Variants in SCAPER observed in about 807,000 individuals in gnomAD.
SCAPER encodes the protein S phase cyclin A-associated protein in the endoplasmic reticulum.
Under a neutral mutation model 182.2 loss-of-function variants are expected in SCAPER, and 98 were observed. That is an observed-to-expected ratio of 0.54 (90% CI 0.46 to 0.64). The LOEUF (loss-of-function observed/expected upper bound fraction) is 0.64. SCAPER is among the 30% of genes least tolerant of loss of function. SCAPER has a pLI of 0.00. For synonymous variants in SCAPER, 605 were observed against 564.6 expected (o/e 1.07, Z -1.01); for missense variants, 1,432 against 1,690.0 (o/e 0.85, Z 2.68).
intron 8 of SCAPER, among the ~76,000 whole-genome samples, chr15:76,779,601 C>T (rs1350033186): frequency 6.6e-6 from 1 of 151,872 alleles, no homozygotes; most frequent in Non-Finnish European, 1.5e-5. Context: ...CTGGCAAATT[C>T]AACTAAAAAC....
At chr15:76,888,698 T>G (rs146755324) in intron 1 of SCAPER, among the ~76,000 whole-genome samples, 7 of 152,336 alleles carry the variant, frequency 4.6e-5, no homozygotes, top group African/African-American at 9.6e-5. Flanking sequence ...AATCTACGTC[T>G]GACTGGTGTA....
intron 9 of SCAPER, among the ~76,000 whole-genome samples, chr15:76,773,510 C>G (rs1321690439): frequency 1.3e-5 from 2 of 151,922 alleles, no homozygotes; most frequent in African/African-American, 2.4e-5. Context: ...ATGCAGCTTA[C>G]AACACTAAAG....
chr15:76,504,946 G>A lies in SCAPER; in HGVS notation c.2867C>T (p.Ala956Val), dbSNP rs1475146329. 5 of 1,612,538 alleles carry A rather than the reference G, an allele frequency of 3.1e-6. No individual in the cohort carries two copies. The highest frequency in any genetic ancestry group is 1.7e-5 in the Admixed American group (1 of 59,762). ...TTCAAGGGCTGTTAATCCACCAGCA[G>A]CTTGAAATGCAATCTGATCTGCCAC... is the stretch of plus-strand genomic sequence containing the variant. ...ENVADQIAFQ[A>V]AGGLTALEHI... Residue 956 changes from alanine (A) to valine (V), a missense_variant, in exon 24 of 32, where the codon GCT (alanine) becomes GTT (valine). Coordinates refer to ENST00000563290, the MANE Select transcript of SCAPER (RefSeq NM_020843.4).
rs76803656 is a variant in SCAPER, at chr15:76,849,993, G to A, written c.195+7816C>T. Among the ~76,000 whole-genome samples, 738 of 152,200 alleles carry A rather than the reference G, an allele frequency of 4.8e-3. 46 individuals carry two copies. The East Asian group carries it at 0.13, about 27-fold the overall frequency. ...TCTCATGAGACTCACTCACTATCAC[G>A]AGAACAGCATGGGGAAAACCACCCC... On this transcript the variant is annotated intron_variant, in intron 4 of 31. Transcript: ENST00000563290.
chr15:76,774,306 G>A, intron 9 of SCAPER: 1 of 316,960 alleles, frequency 3.2e-6, no homozygotes, highest in Non-Finnish European at 6.0e-6. Context: ...AACTATTAAT[G>A]TCATGAAAGA....
At chr15:76,860,888 A>C (rs1189458371) in intron 3 of SCAPER, among the ~76,000 whole-genome samples, 1 of 152,218 alleles carries the variant, frequency 6.6e-6, no homozygotes, top group Non-Finnish European at 1.5e-5. Context: ...AAACATGATT[A>C]GAACATGTAA....
At chr15:76,579,265 CAAAAAAAAAAA>C (rs71143342) in intron 22 of SCAPER, among the ~76,000 whole-genome samples, 5 of 49,484 alleles carry the variant, frequency 1.0e-4, no homozygotes, top group African/African-American at 4.5e-4. Flanking sequence ...GACTCTGTCT[CAAAAAAAAAAA>C]AAAAAAAAAA....
rs572382653 is a variant in SCAPER at position 76,448,790 on chromosome 15, G to T, written c.3079-14480C>A. On this transcript the variant is annotated intron_variant, in intron 25 of 31. Coordinates refer to ENST00000563290, the MANE Select transcript of SCAPER (RefSeq NM_020843.4). The stretch of plus-strand genomic sequence containing the variant: ...TGGTGAAAGAACTGAGTGGCATGGT[G>T]GTAGAAAAAACCGAACTGAGTGGGT... Among the ~76,000 whole-genome samples the T allele has an allele frequency of 2.1e-4, 32 of 152,208 alleles. 1 individual carries two copies. The South Asian group carries it at 6.4e-3, about 31-fold the overall frequency.
intron 25 of SCAPER, among the ~76,000 whole-genome samples, chr15:76,443,500 T>C (rs12593751): frequency 0.22 from 34,067 of 152,122 alleles, 4,747 homozygotes; most frequent in Admixed American, 0.36. Context: ...AGTTTACAAA[T>C]GGATAACTTG....
At chr15:76,594,146 C>G (rs1325507712) in intron 22 of SCAPER, among the ~76,000 whole-genome samples, 1 of 119,420 alleles carries the variant, frequency 8.4e-6, no homozygotes, top group African/African-American at 2.5e-5. Flanking sequence ...TCTGATGGAG[C>G]TGAAAAACAC....
chr15:76,700,351 AAGCAATTCTCCCTGAC>A (rs1339251048), intron 20 of SCAPER, among the ~76,000 whole-genome samples: 4 of 152,032 alleles, frequency 2.6e-5, no homozygotes, highest in Admixed American at 2.6e-4. Context: ...CCACCTCTCC[AAGCAATTCTCCCTGAC>A]AGCTCAAATG....
intron 4 of SCAPER, among the ~76,000 whole-genome samples, chr15:76,844,304 G>C (rs998129267): frequency 6.9e-6 from 1 of 145,938 alleles, no homozygotes; most frequent in African/African-American, 2.5e-5. Flanking sequence ...GCCAGGGAAA[G>C]AGGGAGGAAG....
intron 29 of SCAPER, among the ~76,000 whole-genome samples, chr15:76,360,715 C>T (rs1033764607): frequency 1.3e-5 from 2 of 152,166 alleles, no homozygotes; most frequent in Non-Finnish European, 1.5e-5. Context: ...CTCTTCTTGG[C>T]TTGGTATCAA....
intron 23 of SCAPER, among the ~76,000 whole-genome samples, chr15:76,518,313 A>G (rs1174945262): frequency 6.6e-6 from 1 of 152,196 alleles, no homozygotes; most frequent in African/African-American, 2.4e-5. Flanking sequence ...TTCAGCAGAG[A>G]TACTGCTTCA....
At chr15:76,854,582 C>T (rs1426318443) in intron 4 of SCAPER, among the ~76,000 whole-genome samples, 1 of 152,010 alleles carries the variant, frequency 6.6e-6, no homozygotes, top group Non-Finnish European at 1.5e-5. Context: ...CTACCAATGA[C>T]ATTCTTCACA....
At chr15:76,521,585 T>C (rs2042842925) in intron 23 of SCAPER, among the ~76,000 whole-genome samples, 1 of 152,144 alleles carries the variant, frequency 6.6e-6, no homozygotes, top group Non-Finnish European at 1.5e-5. Flanking sequence ...CAATTAAGTA[T>C]CACAATAATA....
chr15:76,500,911 C>T (rs995100165), intron 24 of SCAPER, among the ~76,000 whole-genome samples: 4 of 151,840 alleles, frequency 2.6e-5, no homozygotes, highest in Admixed American at 6.6e-5. Flanking sequence ...GGCATGGTGG[C>T]GTGTGCTTGT....
intron 5 of SCAPER, among the ~76,000 whole-genome samples, chr15:76,838,709 T>C (rs1041632609): frequency 6.6e-6 from 1 of 152,134 alleles, no homozygotes; most frequent in Non-Finnish European, 1.5e-5. Flanking sequence ...CAGATTGAAA[T>C]GGGAAACAAG....
Position 76,466,288 on chromosome 15 carries a change from GATA to G in SCAPER, c.3078+4921_3078+4923del, listed in dbSNP as rs2049609960. Among the ~76,000 whole-genome samples the G allele has an allele frequency of 2.6e-5, 4 of 151,476 alleles. No homozygotes were observed. The South Asian group carries it at 8.4e-4, about 32-fold the overall frequency. On this transcript the variant is annotated intron_variant, in intron 25 of 31. Transcript: ENST00000563290. Reference sequence around the variant, plus strand: ...CTTTTTCTTTTTGTTCCTCTGGGTGGATAATGTCAAATAACTTGTCTTGAGTTT... The same window carrying G: ...CTTTTTCTTTTTGTTCCTCTGGGTGGATGTCAAATAACTTGTCTTGAGTTT...
Sources: allele counts gnomAD v4.1 joint callset (sites outside exome capture counted in the v4.1 genomes callset), GRCh38; gene constraint gnomAD v4.1.1; transcripts MANE v1.5; gene names NCBI Gene and HGNC (gene_info 2026-07-23, HGNC 2026-07-21).